Variants in SLC25A13 observed in about 807,000 individuals in gnomAD.
SLC25A13 encodes electrogenic aspartate/glutamate antiporter SLC25A13, mitochondrial.
A neutral mutation model predicts 85.5 loss-of-function variants in SLC25A13; 70 were observed. The ratio of observed to expected loss-of-function variants is 0.82; its 90% CI spans 0.68 to 1.00. The LOEUF (loss-of-function observed/expected upper bound fraction) is 1.00, where lower values mean the gene tolerates loss of function less well. SLC25A13 is among the 50% of genes least tolerant of loss of function. The pLI is 0.00. For missense variants in SLC25A13, 765 were observed against 819.8 expected (o/e 0.93, Z 0.82); for synonymous variants, 259 against 288.7 (o/e 0.90, Z 1.04).
chr7:96,199,131 A>G (rs1431339031), intron 5 of SLC25A13, among the ~76,000 whole-genome samples: 1 of 152,208 alleles, frequency 6.6e-6, no homozygotes, highest in East Asian at 1.9e-4. Context: ...TGGTCCTACC[A>G]TCACCTCTGT....
At chr7:96,232,403 A>G (rs1420332116) in intron 4 of SLC25A13, among the ~76,000 whole-genome samples, 3 of 152,184 alleles carry the variant, frequency 2.0e-5, no homozygotes, top group African/African-American at 7.2e-5. Flanking sequence ...ACAAGGACAC[A>G]GAGAGGAATA....
chr7:96,197,860 A>G (rs1459205507), intron 5 of SLC25A13, among the ~76,000 whole-genome samples: 2 of 152,206 alleles, frequency 1.3e-5, no homozygotes, highest in African/African-American at 4.8e-5. Flanking sequence ...AAGACTATCA[A>G]GTAAAAAAAA....
At chr7:96,187,546 T>C (rs1002860311) in intron 9 of SLC25A13, among the ~76,000 whole-genome samples, 2 of 152,154 alleles carry the variant, frequency 1.3e-5, no homozygotes, top group Non-Finnish European at 2.9e-5. Context: ...TACAGGGATA[T>C]AAATATGCAA....
At chr7:96,278,722 A>AT (rs984355410) in intron 2 of SLC25A13, among the ~76,000 whole-genome samples, 3 of 152,040 alleles carry the variant, frequency 2.0e-5, no homozygotes, top group South Asian at 4.2e-4. Context: ...TACAGTTAAC[A>AT]TTTTTTTTAG....
At chr7:96,138,690 C>T (rs1260530856) in intron 14 of SLC25A13, among the ~76,000 whole-genome samples, 1 of 152,134 alleles carries the variant, frequency 6.6e-6, no homozygotes, top group Non-Finnish European at 1.5e-5. Flanking sequence ...TAACATAGAT[C>T]ATTTTTAAGG....
At chr7:96,308,201 T>A (rs1301378313) in intron 1 of SLC25A13, among the ~76,000 whole-genome samples, 14 of 150,480 alleles carry the variant, frequency 9.3e-5, no homozygotes, top group Admixed American at 9.3e-4. Context: ...ACCAGCAGCA[T>A]GACCTCTTGT....
chr7:96,248,146 G>A (rs1302405239), intron 3 of SLC25A13, among the ~76,000 whole-genome samples: 6 of 152,022 alleles, frequency 3.9e-5, no homozygotes, highest in African/African-American at 1.4e-4. Flanking sequence ...AATTTCAGAT[G>A]AACCTAAATT....
At chr7:96,232,713 T>C (rs1188462200) in intron 4 of SLC25A13, among the ~76,000 whole-genome samples, 8 of 152,052 alleles carry the variant, frequency 5.3e-5, no homozygotes, top group Non-Finnish European at 1.2e-4. Flanking sequence ...TATCACTATT[T>C]GTATAAAGGC....
chr7:96,131,726 C>T lies in SLC25A13; in HGVS notation c.1591+17G>A. ...CAAGGGTCAGGGAAGTAAGAGAACT[C>T]CATGGGGGACACTCACCAGCTATGG... On this transcript the variant is annotated intron_variant, in intron 15 of 17. Transcript: ENST00000265631. 1.2e-6 allele frequency: 2 copies of T among 1,613,662 alleles called. No individual in the cohort carries two copies.
intron 14 of SLC25A13, among the ~76,000 whole-genome samples, chr7:96,145,372 TG>T (rs1792741852): frequency 6.6e-6 from 1 of 152,152 alleles, no homozygotes; most frequent in African/African-American, 2.4e-5. Flanking sequence ...TTACTAATTC[TG>T]GATGTTTACT....
intron 1 of SLC25A13, among the ~76,000 whole-genome samples, chr7:96,321,497 T>C (rs763832780): frequency 3.9e-5 from 6 of 152,204 alleles, no homozygotes; most frequent in Middle Eastern, 6.8e-3. Flanking sequence ...TGAAACGTAA[T>C]AGGATCAGGC....
At chr7:96,212,507 T>A (rs1289024931) in intron 4 of SLC25A13, among the ~76,000 whole-genome samples, 1 of 152,176 alleles carries the variant, frequency 6.6e-6, no homozygotes, top group Non-Finnish European at 1.5e-5. Flanking sequence ...AGAGAAAAGC[T>A]TACTGGAGCA....
chr7:96,209,170 C>T (rs1344868692), intron 4 of SLC25A13, among the ~76,000 whole-genome samples, 193 bp from the exon 5 acceptor site: 2 of 151,800 alleles, frequency 1.3e-5, no homozygotes, highest in African/African-American at 4.8e-5. Flanking sequence ...GTCAAGAATC[C>T]CACCAAATAA....
chr7:96,276,838 C>T (rs77826144), intron 3 of SLC25A13, among the ~76,000 whole-genome samples: 186 of 152,218 alleles, frequency 1.2e-3, no homozygotes, highest in African/African-American at 4.4e-3. Flanking sequence ...AGAAAAGTAA[C>T]GTTCATAGAG....
At chr7:96,318,501 T>C (rs1562974664) in intron 1 of SLC25A13, among the ~76,000 whole-genome samples, 1 of 152,170 alleles carries the variant, frequency 6.6e-6, no homozygotes, top group Non-Finnish European at 1.5e-5. Context: ...AGCAAGAGAA[T>C]GGACACTTTT....
At chr7:96,263,262 C>G (rs1345587984) in intron 3 of SLC25A13, among the ~76,000 whole-genome samples, 1 of 152,140 alleles carries the variant, frequency 6.6e-6, no homozygotes, top group Non-Finnish European at 1.5e-5. Context: ...TTACCACTCA[C>G]GTCTAATCCC....
intron 15 of SLC25A13, among the ~76,000 whole-genome samples, chr7:96,128,939 G>GCTCTCTCGCTCTCTCTCT (rs1791871399): frequency 8.6e-5 from 7 of 81,850 alleles, no homozygotes; most frequent in African/African-American, 3.0e-4. Context: ...TGCCTTGCTT[G>GCTCTCTCGCTCTCTCTCT]CTCTCTCTCT....
chr7:96,321,677 G>T (rs915934300), intron 1 of SLC25A13, among the ~76,000 whole-genome samples: 1 of 152,160 alleles, frequency 6.6e-6, no homozygotes, highest in African/African-American at 2.4e-5. Flanking sequence ...GCCCCGTCAG[G>T]CACCAACTTC....
chr7:96,252,794 T>C (rs887556154), intron 3 of SLC25A13, among the ~76,000 whole-genome samples: 1 of 152,022 alleles, frequency 6.6e-6, no homozygotes, highest in South Asian at 2.1e-4. Flanking sequence ...GGAGAGTGGA[T>C]TCAAGAATGA....
Sources: gnomAD v4.1 joint callset for allele counts (sites outside exome capture counted in the v4.1 genomes callset) on GRCh38, gnomAD v4.1.1 for gene constraint, MANE v1.5 for transcripts, NCBI Gene and HGNC (gene_info 2026-07-23, HGNC 2026-07-21) for gene names.